The following LRRTM3 variants were observed in gnomAD, a reference collection of about 807,000 sequenced individuals.
The protein encoded by LRRTM3 is leucine-rich repeat transmembrane neuronal protein 3.
LRRTM3 carries 24 observed loss-of-function variants against 44.7 expected under a neutral mutation model. The observed-to-expected ratio is 0.54, with a 90% confidence interval of 0.39 to 0.76. The LOEUF (loss-of-function observed/expected upper bound fraction) is 0.76. Ranked by LOEUF, LRRTM3 falls within the 30% of genes least tolerant of loss-of-function variation. LRRTM3 has a pLI of 0.00. For synonymous variants in LRRTM3, 277 were observed against 278.7 expected, an observed-to-expected ratio of 0.99 and a Z score of 0.06; for missense variants, 587 against 702.2, an observed-to-expected ratio of 0.84 and a Z score of 1.85.
intron 2 of LRRTM3, among the ~76,000 whole-genome samples, chr10:66,965,781 G>A (rs1849382326): frequency 6.6e-6 from 1 of 152,042 alleles, no homozygotes; most frequent in South Asian, 2.1e-4. Context: ...AAGGATACTT[G>A]ATATAGGAGG....
intron 2 of LRRTM3, among the ~76,000 whole-genome samples, chr10:67,074,507 C>T (rs1363599493): frequency 1.3e-5 from 2 of 151,754 alleles, no homozygotes; most frequent in South Asian, 2.1e-4. Context: ...CCCACCACCA[C>T]GCCCGGCTAA....
At chr10:66,954,679 G>C (rs936316682) in intron 2 of LRRTM3, among the ~76,000 whole-genome samples, 5 of 152,178 alleles carry the variant, frequency 3.3e-5, no homozygotes, top group African/African-American at 4.8e-5. Flanking sequence ...AAAATCCAAT[G>C]TGCTAGCAGG....
chr10:67,031,527 G>A (rs989264971), intron 2 of LRRTM3, among the ~76,000 whole-genome samples: 5 of 152,172 alleles, frequency 3.3e-5, no homozygotes, highest in Non-Finnish European at 7.3e-5. Context: ...ATACTGCCAA[G>A]TAATGTCACT....
At chr10:66,993,651 T>A (rs1279505264) in intron 2 of LRRTM3, among the ~76,000 whole-genome samples, 1 of 151,696 alleles carries the variant, frequency 6.6e-6, no homozygotes, top group Non-Finnish European at 1.5e-5. Flanking sequence ...CAACAAATGT[T>A]TATTGAGTAC....
chr10:67,078,228 A>G (rs1027340244), intron 2 of LRRTM3, among the ~76,000 whole-genome samples: 1 of 152,170 alleles, frequency 6.6e-6, no homozygotes, highest in African/African-American at 2.4e-5. Context: ...GGGCATGAAG[A>G]GTGATCTTCC....
At chr10:67,032,072 C>T (rs1853760776) in intron 2 of LRRTM3, among the ~76,000 whole-genome samples, 1 of 152,098 alleles carries the variant, frequency 6.6e-6, no homozygotes, top group East Asian at 1.9e-4. Flanking sequence ...AGGTCATGTA[C>T]ATTTCATATT....
At chr10:67,087,772 C>T (rs1857390309) in intron 2 of LRRTM3, among the ~76,000 whole-genome samples, 1 of 151,930 alleles carries the variant, frequency 6.6e-6, no homozygotes, top group Non-Finnish European at 1.5e-5. Flanking sequence ...CTATAAAGCC[C>T]AGTCACCGGG....
At chr10:66,931,462 A>G (rs1847386878) in intron 2 of LRRTM3, among the ~76,000 whole-genome samples, 1 of 152,198 alleles carries the variant, frequency 6.6e-6, no homozygotes, top group African/African-American at 2.4e-5. Context: ...CATCTTTTCA[A>G]AGAATTTAAA....
Position 67,053,139 on chromosome 10 carries a change from A to G in LRRTM3, c.1537-44448A>G, listed in dbSNP as rs75463154. On this transcript the variant is annotated intron_variant, in intron 2 of 2. Transcript: ENST00000361320. The stretch of plus-strand genomic sequence containing the variant: ...GGTAATATAATTACTTTATCATAGT[A>G]TTCTGTTTTCTGGGAACCAATCATC... 0.01 allele frequency among the ~76,000 whole-genome samples: 1,566 copies of G among 152,302 alleles called. 66 individuals carry two copies. In the East Asian group the frequency reaches 0.14, roughly 14 times the overall value.
Position 67,071,512 on chromosome 10 carries a change from G to A in LRRTM3, c.1537-26075G>A, listed in dbSNP as rs77382323. Among the ~76,000 whole-genome samples the A allele has an allele frequency of 1.1e-3, 45 of 41,294 alleles. 1 individual carries two copies. The highest frequency in any genetic ancestry group is 0.053 in the Middle Eastern group (2 of 38). 27.1% of individuals were successfully genotyped at this position (41,294 alleles called of 152,430 possible). On this transcript the variant is annotated intron_variant, in intron 2 of 2. Coordinates refer to ENST00000361320, the MANE Select transcript of LRRTM3 (RefSeq NM_178011.5). Reference sequence around the variant, plus strand: ...CTTAGAGCTCTTTAAAGTTTTTTTTGTTTGTTTGTTTCTTTGACTTCATTT... The same window carrying A: ...CTTAGAGCTCTTTAAAGTTTTTTTTATTTGTTTGTTTCTTTGACTTCATTT...
In LRRTM3 at chr10:67,099,209, T is replaced by G. The variant is rs1444694107; in HGVS notation, c.*1413T>G. ...TATTATAAAGTTCATTCAAATCAAA[T>G]TAAGAAAACCTGAGTCTTTAGAAGC... On this transcript the variant is annotated 3_prime_UTR_variant, in exon 3 of 3. Transcript: ENST00000361320. The G allele has an allele frequency of 6.6e-6, 1 of 151,810 alleles. No individual in the cohort carries two copies. The highest frequency in any genetic ancestry group is 2.4e-5 in the African/African-American group (1 of 41,398). 9.4% of individuals were successfully genotyped at this position (151,810 alleles called of 1,614,324 possible).
At chr10:67,043,152 T>C (rs1431083415) in intron 2 of LRRTM3, among the ~76,000 whole-genome samples, 1 of 133,624 alleles carries the variant, frequency 7.5e-6, no homozygotes, top group Non-Finnish European at 1.6e-5. Flanking sequence ...TTTTTTTTTT[T>C]CTGTGCAATA....
intron 2 of LRRTM3, among the ~76,000 whole-genome samples, chr10:66,951,083 T>C (rs1371189892): frequency 8.2e-6 from 1 of 122,404 alleles, no homozygotes; most frequent in African/African-American, 3.5e-5. Flanking sequence ...TTCTTTAACA[T>C]TAAATACACA....
intron 2 of LRRTM3, among the ~76,000 whole-genome samples, chr10:66,932,458 G>A (rs955556044): frequency 1.3e-5 from 2 of 152,116 alleles, no homozygotes; most frequent in African/African-American, 4.8e-5. Context: ...CAGAATCTGT[G>A]TTGCTTCATC....
At chr10:67,012,433 T>C (rs1852397245) in intron 2 of LRRTM3, 1 of 152,206 alleles carries the variant, frequency 6.6e-6, no homozygotes, top group African/African-American at 2.4e-5. Flanking sequence ...ATAATATAAA[T>C]TGTTATAGCT....
In LRRTM3 at chr10:66,926,336, C is replaced by T. The variant is rs1847071951; in HGVS notation, c.-248C>T. 1 of 595,470 alleles carries T rather than the reference C, an allele frequency of 1.7e-6. No individual in the cohort carries two copies. The highest frequency in any genetic ancestry group is 2.0e-5 in the South Asian group (1 of 50,812). 36.9% of individuals were successfully genotyped at this position (595,470 alleles called of 1,614,324 possible). A position where few individuals can be genotyped will look rare whatever the true frequency, so the allele number is the denominator to read the frequency against. ...CAAAAACGTAATATCCATGAAGATC[C>T]TATTACCTAGGAAGATTTTGATGTT... On this transcript the variant is annotated 5_prime_UTR_variant, in exon 1 of 3. Coordinates refer to ENST00000361320, the MANE Select transcript of LRRTM3 (RefSeq NM_178011.5).
chr10:66,961,736 G>A (rs570963021), intron 2 of LRRTM3, among the ~76,000 whole-genome samples: 2 of 152,106 alleles, frequency 1.3e-5, no homozygotes, highest in Admixed American at 6.5e-5. Flanking sequence ...AGTTTGAAAT[G>A]TCTATTACTC....
intron 2 of LRRTM3, among the ~76,000 whole-genome samples, chr10:67,029,116 G>GTCT (rs1853569516): frequency 6.6e-6 from 1 of 152,094 alleles, no homozygotes; most frequent in Non-Finnish European, 1.5e-5. Context: ...CTTTCTTTAT[G>GTCT]TCTCTCTACT....
chr10:66,980,455 T>C (rs1564809834), intron 2 of LRRTM3, among the ~76,000 whole-genome samples: 1 of 150,604 alleles, frequency 6.6e-6, no homozygotes, highest in Non-Finnish European at 1.5e-5. Flanking sequence ...CCTTTTCTGT[T>C]TCCCAAGCAA....
Sources: allele counts gnomAD v4.1 joint callset (sites outside exome capture counted in the v4.1 genomes callset), GRCh38; gene constraint gnomAD v4.1.1; transcripts MANE v1.5; gene names NCBI Gene and HGNC (gene_info 2026-07-23, HGNC 2026-07-21).